Variants in PCDHA9 observed in about 807,000 individuals in gnomAD.
PCDHA9 encodes protocadherin alpha 9.
Under a neutral mutation model 62.0 loss-of-function variants are expected in PCDHA9, and 62 were observed. The observed-to-expected ratio is 1.00, with a 90% CI of 0.81 to 1.23. PCDHA9 has a LOEUF of 1.23. PCDHA9 is among the 50% of genes most tolerant of loss of function. The pLI is 0.00. For synonymous variants in PCDHA9, 557 were observed against 567.6 expected (o/e 0.98, Z 0.27); for missense variants, 1,205 against 1,249.8 (o/e 0.96, Z 0.54).
chr5:140,862,612 A>G, intron 1 of PCDHA9: 1 of 522,286 alleles, frequency 1.9e-6, no homozygotes, highest in Admixed American at 2.0e-5. Context: ...CGTGAAAGGT[A>G]ACAACCCGCG....
At chr5:140,993,462 TCACACACACACACACACACACA>T (rs3836747) in intron 3 of PCDHA9, among the ~76,000 whole-genome samples, 6 of 141,044 alleles carry the variant, frequency 4.3e-5, no homozygotes, top group East Asian at 4.2e-4. Context: ...TCTTTCTTTC[TCACACACACACACACACACACA>T]CACACACACA....
At position 140,849,753 on chromosome 5, in the gene PCDHA9, G is replaced by A. The variant is rs1294538786; in HGVS notation, c.1258G>A (p.Ala420Thr). 17 of 1,598,282 alleles carry A rather than the reference G, an allele frequency of 1.1e-5. 1 individual carries two copies. Among genetic ancestry groups the A allele is most frequent in the Non-Finnish European group, 1.4e-5 (16 of 1,167,970 alleles). ...AGCTCTGGACCGCGAGAGTGTGTCC[G>A]CCTACGAGCTGGTGGTTACCGCGCG... ...DRALDRESVS[A>T]YELVVTARDG... is the part of the protein sequence containing the mutation. The change falls in exon 1 of 4, where the codon GCC (alanine) becomes ACC (threonine). Residue 420 changes from alanine to threonine, a missense_variant. Coordinates refer to ENST00000532602, the MANE Select transcript of PCDHA9 (RefSeq NM_031857.2).
intron 3 of PCDHA9, among the ~76,000 whole-genome samples, chr5:140,994,387 C>T (rs192635308): frequency 1.3e-5 from 2 of 152,174 alleles, no homozygotes; most frequent in East Asian, 1.9e-4. Context: ...GGGACTAAGT[C>T]AGAGATTATT....
At chr5:141,007,019 A>G (rs1230035062) in intron 3 of PCDHA9, among the ~76,000 whole-genome samples, 1 of 152,192 alleles carries the variant, frequency 6.6e-6, no homozygotes, top group African/African-American at 2.4e-5. Flanking sequence ...CAGCTTATTC[A>G]TATGGTATTT....
intron 1 of PCDHA9, chr5:140,852,708 G>A (rs1175249471): frequency 1.0e-6 from 1 of 979,130 alleles, no homozygotes; most frequent in Non-Finnish European, 1.2e-6. Flanking sequence ...AAGTATCTTT[G>A]TCTTTGCACG....
intron 1 of PCDHA9, chr5:140,856,598 A>C: frequency 6.3e-7 from 1 of 1,597,872 alleles, no homozygotes; most frequent in East Asian, 2.2e-5. Context: ...TATTATAAAC[A>C]AAAAAGACAA....
In PCDHA9 at chr5:140,926,182, C is replaced by G. The variant is rs1041630365; in HGVS notation, c.2395-52767C>G. Among the ~76,000 whole-genome samples, 27 of 151,858 alleles carry G rather than the reference C, an allele frequency of 1.8e-4. No individual in the cohort carries two copies. The East Asian group carries it at 2.5e-3, about 14-fold the overall frequency. On this transcript the variant is annotated intron_variant, in intron 1 of 3. Coordinates refer to ENST00000532602, the MANE Select transcript of PCDHA9 (RefSeq NM_031857.2). ...CAGCAGGATCCAGCGCGGAAAGCCC[C>G]CCGCAGCACTTCTTTCGGGGGGCTC...
intron 1 of PCDHA9, among the ~76,000 whole-genome samples, chr5:140,891,064 A>T (rs1442139760): frequency 6.6e-6 from 1 of 152,206 alleles, no homozygotes; most frequent in East Asian, 1.9e-4. Flanking sequence ...AGTAAATATT[A>T]TTCCAGTGTC....
intron 1 of PCDHA9, chr5:140,877,000 G>C: frequency 6.2e-7 from 1 of 1,612,598 alleles, no homozygotes; most frequent in Non-Finnish European, 8.5e-7. Flanking sequence ...CTACGTGTCG[G>C]TGCACGCGGA....
At chr5:140,876,625 G>A (rs2056468121) in intron 1 of PCDHA9, 1 of 1,614,192 alleles carries the variant, frequency 6.2e-7, no homozygotes. Context: ...CAATGGACAG[G>A]TCATCTGCTC....
intron 1 of PCDHA9, chr5:140,883,393 C>T (rs781845683): frequency 1.2e-6 from 2 of 1,614,160 alleles, no homozygotes; most frequent in South Asian, 2.2e-5. Flanking sequence ...TCAGTGTGTC[C>T]GATCGTGACT....
intron 1 of PCDHA9, among the ~76,000 whole-genome samples, chr5:140,950,427 C>T (rs393858): frequency 0.56 from 85,078 of 151,138 alleles, 24,477 homozygotes; most frequent in African/African-American, 0.69. Flanking sequence ...TTTTCTTCCA[C>T]TTAAAAAAAA....
In PCDHA9 at chr5:140,855,835, T is replaced by C. The variant is rs1165073969; in HGVS notation, c.2394+4946T>C. On this transcript the variant is annotated intron_variant, in intron 1 of 3. Transcript: ENST00000532602. ...AGTTGTGAACTCATGGAATCGTACT[T>C]ACACCTAAAGCCACCGGATGTCGCT... The C allele has an allele frequency of 6.7e-5, 40 of 599,476 alleles. 4 individuals carry two copies. The highest frequency in any genetic ancestry group is 1.1e-4 in the Non-Finnish European group (39 of 347,470). 37.1% of individuals were successfully genotyped at this position (599,476 alleles called of 1,614,324 possible). A position where few individuals can be genotyped will look rare whatever the true frequency, so the allele number is the denominator to read the frequency against.
intron 1 of PCDHA9, chr5:140,853,722 A>C (rs1236467209): frequency 2.0e-6 from 2 of 988,342 alleles, no homozygotes; most frequent in African/African-American, 1.8e-5. Flanking sequence ...GCAGCACCTA[A>C]GTCCTCATTG....
intron 1 of PCDHA9, chr5:140,865,687 A>G (rs924237080): frequency 3.3e-5 from 5 of 152,204 alleles, no homozygotes; most frequent in African/African-American, 1.2e-4. Flanking sequence ...AGTACATATG[A>G]CTGTTCCAAT....
At chr5:140,867,813 C>T (rs1189080463) in intron 1 of PCDHA9, 1 of 152,032 alleles carries the variant, frequency 6.6e-6, no homozygotes, top group Non-Finnish European at 1.5e-5. Context: ...TATGAAATTC[C>T]ATTTCCACAA....
intron 1 of PCDHA9, among the ~76,000 whole-genome samples, chr5:140,899,817 T>C (rs1360189018): frequency 6.6e-6 from 1 of 152,178 alleles, no homozygotes; most frequent in East Asian, 1.9e-4. Flanking sequence ...TTGTTTTGTT[T>C]TTCCTTTTTG....
At chr5:140,917,587 C>T (rs2078270380) in intron 1 of PCDHA9, among the ~76,000 whole-genome samples, 1 of 152,164 alleles carries the variant, frequency 6.6e-6, no homozygotes, top group Non-Finnish European at 1.5e-5. Context: ...TTTGTTCATG[C>T]TGAAAGGAAG....
intron 2 of PCDHA9, among the ~76,000 whole-genome samples, chr5:140,979,831 A>G (rs1401761792): frequency 5.3e-5 from 8 of 152,236 alleles, no homozygotes; most frequent in African/African-American, 1.9e-4. Context: ...TTAAAGAAGA[A>G]ATAATCTTCA....
Sources: gnomAD v4.1 joint callset for allele counts (sites outside exome capture counted in the v4.1 genomes callset) on GRCh38, gnomAD v4.1.1 for gene constraint, MANE v1.5 for transcripts, NCBI Gene and HGNC (gene_info 2026-07-23, HGNC 2026-07-21) for gene names.